Variants in GALNT13 observed in about 807,000 individuals in gnomAD.
GALNT13 encodes the protein polypeptide N-acetylgalactosaminyltransferase 13.
Under a neutral mutation model 64.2 loss-of-function variants are expected in GALNT13, and 28 were observed. That is an observed-to-expected ratio of 0.44 (90% CI 0.32 to 0.60). The LOEUF is 0.60. Ranked by LOEUF, GALNT13 falls within the 20% of genes least tolerant of loss-of-function variation. The pLI, the probability that GALNT13 is intolerant of heterozygous loss-of-function variation, is 0.05. For missense variants in GALNT13, 577 were observed against 669.8 expected (o/e 0.86, Z 1.53); for synonymous variants, 214 against 224.6 (o/e 0.95, Z 0.42).
chr2:154,282,915 G>A (rs1692041908), intron 8 of GALNT13, among the ~76,000 whole-genome samples: 1 of 152,096 alleles, frequency 6.6e-6, no homozygotes, highest in African/African-American at 2.4e-5. Context: ...TTAAAAATAG[G>A]TCAAGAGTCA....
At chr2:154,230,371 A>G (rs774400901) in intron 4 of GALNT13, among the ~76,000 whole-genome samples, 2 of 152,166 alleles carry the variant, frequency 1.3e-5, no homozygotes, top group African/African-American at 4.8e-5. Context: ...TTCCAATAGC[A>G]TGAAAGAATT....
chr2:154,174,558 A>T (rs1009290269), intron 4 of GALNT13, among the ~76,000 whole-genome samples: 1 of 152,156 alleles, frequency 6.6e-6, no homozygotes, highest in Non-Finnish European at 1.5e-5. Flanking sequence ...ATTAACTTGT[A>T]CTTGTCTAAA....
At chr2:153,976,315 A>C (rs1429481277) in intron 3 of GALNT13, among the ~76,000 whole-genome samples, 1 of 152,138 alleles carries the variant, frequency 6.6e-6, no homozygotes, top group Admixed American at 6.5e-5. Flanking sequence ...TGGTTTCTGT[A>C]GTTCCTAAAC....
chr2:153,412,559 C>T, the GALNT13 span, among the ~76,000 whole-genome samples: 79 of 152,238 alleles, frequency 5.2e-4, no homozygotes, highest in African/African-American at 1.8e-3. Flanking sequence ...GTGGCAAGAC[C>T]GAAGCTTGGT....
At chr2:153,450,208 G>A in the GALNT13 span, among the ~76,000 whole-genome samples, 3 of 152,116 alleles carry the variant, frequency 2.0e-5, no homozygotes, top group African/African-American at 7.2e-5. Context: ...TTCTACTAAA[G>A]TCTTCCTCTG....
At chr2:154,384,889 C>T (rs1005833683) in intron 9 of GALNT13, among the ~76,000 whole-genome samples, 1 of 151,838 alleles carries the variant, frequency 6.6e-6, no homozygotes, top group African/African-American at 2.4e-5. Context: ...TCAAAGGAAG[C>T]TTTTTCAAAC....
At chr2:153,368,644 T>G in the GALNT13 span, among the ~76,000 whole-genome samples, 7 of 152,266 alleles carry the variant, frequency 4.6e-5, no homozygotes, top group South Asian at 1.2e-3. Flanking sequence ...ATGTGTATAT[T>G]CCTAACACCA....
the GALNT13 span, among the ~76,000 whole-genome samples, chr2:153,792,970 C>CTTTTT: frequency 5.8e-4 from 77 of 132,224 alleles, no homozygotes; most frequent in East Asian, 6.8e-4. Context: ...TTCTTTCTTT[C>CTTTTT]TTTTTTTTTT....
the GALNT13 span, among the ~76,000 whole-genome samples, chr2:153,238,441 C>T: frequency 2.0e-5 from 3 of 151,976 alleles, no homozygotes; most frequent in Admixed American, 6.6e-5. Context: ...CCAGTGTTTT[C>T]TCTATGAGTT....
At chr2:154,256,516 C>T (rs1409498373) in intron 7 of GALNT13, among the ~76,000 whole-genome samples, 1 of 152,068 alleles carries the variant, frequency 6.6e-6, no homozygotes, top group African/African-American at 2.4e-5. Flanking sequence ...AAATTTCAGT[C>T]AGCATCTTGG....
In GALNT13 at chr2:153,947,674, T is replaced by C. The variant is rs189029889; in HGVS notation, c.142+3035T>C. Among the ~76,000 whole-genome samples, 592 of 152,228 alleles carry C rather than the reference T, an allele frequency of 3.9e-3. 2 individuals are homozygous for C. Among genetic ancestry groups the C allele is most frequent in the African/African-American group, 0.014 (567 of 41,558 alleles). ...TTAGTTTCTTTTGCTGTGCAGAAGC[T>C]TTTTTGTTTAATTAGATCCCATTTG... is the stretch of plus-strand genomic sequence containing the variant. On this transcript the variant is annotated intron_variant, in intron 3 of 12. Transcript: ENST00000392825.
At chr2:153,728,744 A>C in the GALNT13 span, among the ~76,000 whole-genome samples, 2 of 152,176 alleles carry the variant, frequency 1.3e-5, no homozygotes, top group African/African-American at 4.8e-5. Flanking sequence ...ATCACTAGTC[A>C]GACTAATAAA....
At chr2:153,711,400 T>G in the GALNT13 span, among the ~76,000 whole-genome samples, 40 of 152,170 alleles carry the variant, frequency 2.6e-4, no homozygotes, top group Non-Finnish European at 5.0e-4. Context: ...TACTGTATAC[T>G]GCATAGCTCA....
intron 11 of GALNT13, among the ~76,000 whole-genome samples, chr2:154,412,723 G>A (rs1699847402): frequency 6.6e-6 from 1 of 151,676 alleles, no homozygotes; most frequent in Non-Finnish European, 1.5e-5. Context: ...TCTAAATGGA[G>A]TTAATGAAAG....
At chr2:153,778,120 G>T in the GALNT13 span, among the ~76,000 whole-genome samples, 6 of 152,120 alleles carry the variant, frequency 3.9e-5, no homozygotes, top group Admixed American at 3.3e-4. Flanking sequence ...ATGCCAGTGT[G>T]CTCCTATGCC....
the GALNT13 span, among the ~76,000 whole-genome samples, chr2:153,847,400 G>GCA: frequency 9.4e-4 from 141 of 150,052 alleles, no homozygotes; most frequent in African/African-American, 2.1e-3. Context: ...GTGCTCATGC[G>GCA]CACACACACA....
At chr2:153,595,785 C>A in the GALNT13 span, among the ~76,000 whole-genome samples, 9 of 152,042 alleles carry the variant, frequency 5.9e-5, no homozygotes, top group Non-Finnish European at 8.8e-5. Context: ...ATCAGATGAA[C>A]CACTAGAATC....
At chr2:153,774,780 T>A in the GALNT13 span, among the ~76,000 whole-genome samples, 2 of 152,084 alleles carry the variant, frequency 1.3e-5, no homozygotes, top group African/African-American at 4.8e-5. Flanking sequence ...CATGGTGGCA[T>A]GCACCTGTAA....
chr2:153,939,736 T>C (rs559687972), intron 2 of GALNT13, among the ~76,000 whole-genome samples: 2 of 152,308 alleles, frequency 1.3e-5, no homozygotes, highest in South Asian at 2.1e-4. Context: ...TAACAATATG[T>C]GTTACTACTA....
Sources: gnomAD v4.1 joint callset for allele counts (sites outside exome capture counted in the v4.1 genomes callset) on GRCh38, gnomAD v4.1.1 for gene constraint, MANE v1.5 for transcripts, NCBI Gene and HGNC (gene_info 2026-07-23, HGNC 2026-07-21) for gene names.